BCKDHB: variants seen among roughly 807,000 people sequenced by gnomAD.
BCKDHB encodes branched chain keto acid dehydrogenase E1 subunit beta.
In BCKDHB, 41 loss-of-function variants were observed where a neutral mutation model predicts 48.5. That is an observed-to-expected ratio of 0.85 (90% confidence interval 0.66 to 1.10). BCKDHB has a LOEUF of 1.10. Ranked by LOEUF, BCKDHB falls within the 50% of genes least tolerant of loss-of-function variation. The probability of loss-of-function intolerance (pLI) is 0.00; values close to 1 mark genes in which losing one functional copy is unlikely to be tolerated. For synonymous variants in BCKDHB, 201 were observed against 174.8 expected, an observed-to-expected ratio of 1.15 and a Z score of -1.18; for missense variants, 496 against 494.2, an observed-to-expected ratio of 1.00 and a Z score of -0.03.
intron 8 of BCKDHB, among the ~76,000 whole-genome samples, chr6:80,262,872 T>A (rs1421494528): frequency 6.6e-6 from 1 of 152,168 alleles, no homozygotes; most frequent in Non-Finnish European, 1.5e-5. Flanking sequence ...ATATCTCACT[T>A]CTTCTGGTAT....
chr6:80,332,175 C>T lies in BCKDHB; in HGVS notation c.1039-11489C>T, dbSNP rs866652459. ...TTATGTGTGTACAACTAGCTTTACA[C>T]CTCTCATGAGAGCCCACAGCTCTTT... is the stretch of plus-strand genomic sequence containing the variant. On this transcript the variant is annotated intron_variant, in intron 9 of 9. Transcript: ENST00000320393. 2.8e-4 allele frequency among the ~76,000 whole-genome samples: 43 copies of T among 152,192 alleles called. No individual in the cohort carries two copies. In the Middle Eastern group the frequency reaches 0.01, roughly 36 times the overall value.
At chr6:80,114,876 C>A (rs1033480804) in intron 1 of BCKDHB, among the ~76,000 whole-genome samples, 1 of 152,094 alleles carries the variant, frequency 6.6e-6, no homozygotes, top group East Asian at 1.9e-4. Flanking sequence ...TTTAAAACCA[C>A]TTAGAGATTG....
At chr6:80,375,378 G>A in the BCKDHB span, among the ~76,000 whole-genome samples, 10 of 152,128 alleles carry the variant, frequency 6.6e-5, no homozygotes, top group African/African-American at 1.4e-4. Flanking sequence ...TTGTCAGATC[G>A]GGTTAATTTG....
At chr6:80,385,163 A>G in the BCKDHB span, among the ~76,000 whole-genome samples, 1 of 152,210 alleles carries the variant, frequency 6.6e-6, no homozygotes, top group Non-Finnish European at 1.5e-5. Context: ...CGAAGTGATG[A>G]AAGAAAGTGA....
intron 6 of BCKDHB, among the ~76,000 whole-genome samples, chr6:80,181,942 C>T (rs140559385): frequency 8.5e-5 from 13 of 152,200 alleles, no homozygotes; most frequent in Admixed American, 1.3e-4. Context: ...CTCATAAGTC[C>T]ATCCTCTAAC....
At chr6:80,394,476 CCTGTGCTGTCT>C in the BCKDHB span, among the ~76,000 whole-genome samples, 1 of 151,814 alleles carries the variant, frequency 6.6e-6, no homozygotes, top group Non-Finnish European at 1.5e-5. Context: ...ACTTCTGCTC[CCTGTGCTGTCT>C]CTGCATCTCC....
At chr6:80,395,000 C>A in the BCKDHB span, among the ~76,000 whole-genome samples, 1 of 152,180 alleles carries the variant, frequency 6.6e-6, no homozygotes, top group Non-Finnish European at 1.5e-5. Context: ...TTTGTTTCCA[C>A]TTTTGCCATG....
intron 9 of BCKDHB, among the ~76,000 whole-genome samples, chr6:80,296,994 C>T (rs918073184): frequency 6.6e-6 from 1 of 152,142 alleles, no homozygotes; most frequent in African/African-American, 2.4e-5. Context: ...TGTGTTATAG[C>T]GTTAACTCTT....
chr6:80,199,771 C>CAAAAA (rs35186066), intron 6 of BCKDHB, among the ~76,000 whole-genome samples: 2 of 35,740 alleles, frequency 5.6e-5, no homozygotes, highest in Non-Finnish European at 9.5e-5. Flanking sequence ...GACTCTGTCT[C>CAAAAA]AAAAAAAAAA....
the BCKDHB span, among the ~76,000 whole-genome samples, chr6:80,365,364 T>A: frequency 6.6e-6 from 1 of 152,036 alleles, no homozygotes; most frequent in Admixed American, 6.6e-5. Context: ...GAGACCAGGG[T>A]GTAGCTCAGT....
intron 6 of BCKDHB, among the ~76,000 whole-genome samples, chr6:80,173,504 G>A (rs566665889): frequency 1.4e-3 from 214 of 152,096 alleles, no homozygotes; most frequent in Non-Finnish European, 2.1e-3. Context: ...AATCATCACT[G>A]CTAGCTTATT....
At chr6:80,187,462 G>GT (rs1289794749) in intron 6 of BCKDHB, among the ~76,000 whole-genome samples, 2 of 152,126 alleles carry the variant, frequency 1.3e-5, no homozygotes, top group Non-Finnish European at 2.9e-5. Flanking sequence ...GTAAGGGTCT[G>GT]TAAAACATTA....
chr6:80,157,716 T>A (rs1267893295), intron 3 of BCKDHB, among the ~76,000 whole-genome samples: 1 of 151,664 alleles, frequency 6.6e-6, no homozygotes, highest in African/African-American at 2.4e-5. Context: ...TGACCTCAGG[T>A]GATCCGCCCA....
the BCKDHB span, among the ~76,000 whole-genome samples, chr6:80,456,579 C>G: frequency 7.2e-5 from 11 of 152,186 alleles, no homozygotes; most frequent in African/African-American, 2.7e-4. Flanking sequence ...CTTCAAGATT[C>G]AAAGTAAAGC....
At chr6:80,205,962 G>A (rs917040631) in intron 8 of BCKDHB, among the ~76,000 whole-genome samples, 1 of 152,032 alleles carries the variant, frequency 6.6e-6, no homozygotes, top group African/African-American at 2.4e-5. Flanking sequence ...AACCAGGTGT[G>A]TAGAATCCAG....
Position 80,176,320 on chromosome 6 carries a change from A to G in BCKDHB, c.742+4930A>G, listed in dbSNP as rs573371653. ...GATTTTAAATATATACTGAGCTGGC[A>G]TGAAAATTAGAACGCTGCAGAGTTC... On this transcript the variant is annotated intron_variant, in intron 6 of 9. Transcript: ENST00000320393. Among the ~76,000 whole-genome samples, 85 of 152,288 alleles carry G rather than the reference A, an allele frequency of 5.6e-4. 1 individual carries two copies. Among genetic ancestry groups the G allele is most frequent in the African/African-American group, 1.9e-3 (81 of 41,576 alleles).
the BCKDHB span, among the ~76,000 whole-genome samples, chr6:80,383,445 T>G: frequency 3.3e-5 from 5 of 152,140 alleles, no homozygotes; most frequent in Admixed American, 1.3e-4. Flanking sequence ...TGTAGACAAT[T>G]ACATATATAA....
At chr6:80,175,534 C>T (rs1483915131) in intron 6 of BCKDHB, among the ~76,000 whole-genome samples, 1 of 152,158 alleles carries the variant, frequency 6.6e-6, no homozygotes, top group Non-Finnish European at 1.5e-5. Flanking sequence ...TAGTCCACTT[C>T]TAGGAATCCA....
the BCKDHB span, among the ~76,000 whole-genome samples, chr6:80,409,422 C>T: frequency 5.8e-4 from 87 of 151,128 alleles, 1 homozygote; most frequent in African/African-American, 2.1e-3. Context: ...GAGTTCAAAT[C>T]TTGGATATCT....
Sources: gnomAD v4.1 joint callset for allele counts (sites outside exome capture counted in the v4.1 genomes callset) on GRCh38, gnomAD v4.1.1 for gene constraint, MANE v1.5 for transcripts, NCBI Gene and HGNC (gene_info 2026-07-23, HGNC 2026-07-21) for gene names.